UNC13C: variants seen among roughly 807,000 people sequenced by gnomAD.
The protein encoded by UNC13C is protein unc-13 homolog C.
Under a neutral mutation model 245.4 loss-of-function variants are expected in UNC13C, and 174 were observed. The ratio of observed to expected loss-of-function variants is 0.71; its 90% CI spans 0.63 to 0.80. The LOEUF is 0.80. Among genes scored for constraint, UNC13C ranks in the 30% least tolerant of loss-of-function variants. The pLI is 0.00. For missense variants in UNC13C, 2,829 were observed against 2,602.9 expected, an observed-to-expected ratio of 1.09 and a Z score of -1.89; for synonymous variants, 992 against 895.1, an observed-to-expected ratio of 1.11 and a Z score of -1.93.
At chr15:54,234,909 G>C (rs918126126) in intron 4 of UNC13C, 121 bp from the exon 5 acceptor site, 6 of 802,918 alleles carry the variant, frequency 7.5e-6, no homozygotes, top group Non-Finnish European at 1.2e-5. Context: ...TTTGTGAATC[G>C]TTTGAAAACT....
chr15:53,875,015 C>T, the UNC13C span, among the ~76,000 whole-genome samples: 3 of 152,140 alleles, frequency 2.0e-5, no homozygotes, highest in African/African-American at 7.2e-5. Flanking sequence ...ATCGCATGAA[C>T]CCGGGAGGTG....
the UNC13C span, among the ~76,000 whole-genome samples, chr15:53,935,103 T>C: frequency 6.6e-6 from 1 of 152,200 alleles, no homozygotes; most frequent in South Asian, 2.1e-4. Flanking sequence ...GTGGCCATTG[T>C]CACAATATCT....
intron 10 of UNC13C, among the ~76,000 whole-genome samples, chr15:54,266,026 A>G (rs1181572945): frequency 6.6e-6 from 1 of 151,866 alleles, no homozygotes; most frequent in Non-Finnish European, 1.5e-5. Context: ...GCAGAAACTC[A>G]TTTTTCTCTC....
At chr15:53,849,433 A>G in the UNC13C span, among the ~76,000 whole-genome samples, 45 of 152,234 alleles carry the variant, frequency 3.0e-4, no homozygotes, top group African/African-American at 1.1e-3. Flanking sequence ...AAATAATATT[A>G]TAAAACTTCC....
intron 17 of UNC13C, among the ~76,000 whole-genome samples, chr15:54,365,622 TTA>T (rs1421299612): frequency 1.3e-5 from 2 of 152,104 alleles, no homozygotes; most frequent in African/African-American, 4.8e-5. Flanking sequence ...CCATGTTGAT[TTA>T]TGATTTTATG....
intron 4 of UNC13C, among the ~76,000 whole-genome samples, chr15:54,193,600 C>T (rs574743975): frequency 5.9e-5 from 9 of 152,242 alleles, no homozygotes; most frequent in African/African-American, 2.2e-4. Flanking sequence ...CCCAGCCCTT[C>T]AGTCAACTCT....
At chr15:54,139,684 T>C (rs2031920008) in intron 2 of UNC13C, among the ~76,000 whole-genome samples, 1 of 152,212 alleles carries the variant, frequency 6.6e-6, no homozygotes, top group Admixed American at 6.5e-5. Context: ...GTTGTAGTTT[T>C]AGTAAAATAG....
the UNC13C span, among the ~76,000 whole-genome samples, chr15:53,918,868 T>A: frequency 6.6e-6 from 1 of 152,220 alleles, no homozygotes; most frequent in South Asian, 2.1e-4. Context: ...GCACAGAGCT[T>A]CAAAGTACTT....
chr15:54,333,996 G>A (rs1596238877), intron 16 of UNC13C, 140 bp downstream of exon 16: 14 of 577,698 alleles, frequency 2.4e-5, no homozygotes, highest in Non-Finnish European at 3.4e-5. Context: ...GCCTGAACTC[G>A]ATGAATCTTC....
At chr15:53,853,897 C>G in the UNC13C span, among the ~76,000 whole-genome samples, 1 of 151,936 alleles carries the variant, frequency 6.6e-6, no homozygotes, top group Non-Finnish European at 1.5e-5. Context: ...GATATTAGAC[C>G]TTTGTCAGAT....
intron 2 of UNC13C, among the ~76,000 whole-genome samples, chr15:54,104,131 C>A (rs1900313561): frequency 6.6e-6 from 1 of 152,214 alleles, no homozygotes; most frequent in African/African-American, 2.4e-5. Context: ...CATGTTTGGA[C>A]CCATTGCTCT....
At chr15:54,025,414 TA>T (rs1232649234) in intron 2 of UNC13C, among the ~76,000 whole-genome samples, 4 of 152,232 alleles carry the variant, frequency 2.6e-5, no homozygotes, top group Admixed American at 2.6e-4. Context: ...CTATTCTAAA[TA>T]CTTCACTAAA....
At chr15:54,509,425 T>C (rs920797891) in intron 23 of UNC13C, among the ~76,000 whole-genome samples, 1 of 152,310 alleles carries the variant, frequency 6.6e-6, no homozygotes, top group Admixed American at 6.5e-5. Flanking sequence ...TAAATAATCT[T>C]TAAAATATTT....
intron 10 of UNC13C, 148 bp from the exon 11 acceptor site, chr15:54,293,747 A>G: frequency 1.9e-6 from 1 of 531,780 alleles, no homozygotes; most frequent in East Asian, 3.6e-5. Context: ...ATGTGCCTGC[A>G]ACATCCCATG....
At chr15:54,229,391 G>A (rs886782827) in intron 4 of UNC13C, among the ~76,000 whole-genome samples, 7 of 152,138 alleles carry the variant, frequency 4.6e-5, no homozygotes, top group African/African-American at 1.7e-4. Context: ...TGGTGTTCCT[G>A]TGGAGAAGAT....
chr15:53,928,209 T>C, the UNC13C span, among the ~76,000 whole-genome samples: 1 of 152,184 alleles, frequency 6.6e-6, no homozygotes, highest in Non-Finnish European at 1.5e-5. Flanking sequence ...TACCCACATA[T>C]TTATTAACAG....
intron 10 of UNC13C, among the ~76,000 whole-genome samples, chr15:54,281,927 T>G (rs1223636564): frequency 6.6e-6 from 1 of 152,206 alleles, no homozygotes; most frequent in Non-Finnish European, 1.5e-5. Flanking sequence ...TCATTTTAAG[T>G]GTGCATCTGG....
In UNC13C at chr15:54,110,733, C is replaced by A. The variant is rs575357616; in HGVS notation, c.2984-32285C>A. ...AGTTGGTTTTTTTTGTGTGAATTTT[C>A]TTTGGTACCAAATATAATTTTTTCC... On this transcript the variant is annotated intron_variant, in intron 2 of 32. Transcript: ENST00000260323. 2.0e-5 allele frequency among the ~76,000 whole-genome samples: 3 copies of A among 152,146 alleles called. No individual in the cohort carries two copies. In the South Asian group the frequency reaches 6.2e-4, roughly 32 times the overall value.
chr15:53,879,180 G>A, the UNC13C span, among the ~76,000 whole-genome samples: 9 of 151,970 alleles, frequency 5.9e-5, no homozygotes, highest in Non-Finnish European at 1.5e-5. Flanking sequence ...TTTATTTTTA[G>A]ACACAGGGTC....
Sources: allele counts gnomAD v4.1 joint callset (sites outside exome capture counted in the v4.1 genomes callset), GRCh38; gene constraint gnomAD v4.1.1; transcripts MANE v1.5; gene names NCBI Gene and HGNC (gene_info 2026-07-23, HGNC 2026-07-21).